Variants in PCSK2 observed in about 807,000 individuals in gnomAD.
PCSK2 encodes proprotein convertase subtilisin/kexin type 2.
A neutral mutation model predicts 69.7 loss-of-function variants in PCSK2; 14 were observed. The ratio of observed to expected loss-of-function variants is 0.20; its 90% confidence interval spans 0.13 to 0.31. The LOEUF is 0.31. Ranked by LOEUF, PCSK2 falls within the 10% of genes least tolerant of loss-of-function variation. PCSK2 has a pLI of 1.00. For missense variants in PCSK2, 544 were observed against 842.5 expected (o/e 0.65, Z 4.39); for synonymous variants, 307 against 320.7 (o/e 0.96, Z 0.46).
In PCSK2 at chr20:17,436,831, T is replaced by C; in HGVS notation, c.833T>C (p.Val278Ala). The change falls in exon 8 of 12, where the codon GTG becomes GCG. Residue 278 changes from valine (V) to alanine (A), a missense_variant. By Grantham distance (64) the Val-to-Ala change is moderately conservative. This residue lies in a region of PCSK2 where 187 missense variants were observed against 399.8 expected (regional missense o/e 0.47). Coordinates refer to ENST00000262545, the MANE Select transcript of PCSK2 (RefSeq NM_002594.5). ...GGCCCCACAGACAACGGCAAGACAG[T>C]GGATGGGCCCCGGGAGCTCACGCTG... ...SWGPTDNGKT[V>A]DGPRELTLQA... 1 of 1,613,890 alleles carries C rather than the reference T, an allele frequency of 6.2e-7. No homozygotes were observed. Among genetic ancestry groups the C allele is most frequent in the Admixed American group, 1.7e-5 (1 of 60,026 alleles).
In PCSK2 at chr20:17,227,281, C is replaced by T; in HGVS notation, c.-25C>T. On this transcript the variant is annotated 5_prime_UTR_variant, in exon 1 of 12. Transcript: ENST00000262545. ...CTCCGCCAGCCTGCGCGCCTCCTAG[C>T]ACCACTTTTCACTCCCAAAGAAGGA... 2 of 1,605,568 alleles carry T rather than the reference C, an allele frequency of 1.2e-6. No individual in the cohort carries two copies. Among genetic ancestry groups the T allele is most frequent in the Non-Finnish European group, 1.7e-6 (2 of 1,173,350 alleles).
At chr20:17,471,593 C>A (rs1224643137) in intron 11 of PCSK2, among the ~76,000 whole-genome samples, 2 of 152,224 alleles carry the variant, frequency 1.3e-5, no homozygotes, top group Non-Finnish European at 2.9e-5. Context: ...ATAGGACCGG[C>A]GGGCCAGCAA....
chr20:17,470,622 G>T (rs2033182851), intron 11 of PCSK2, among the ~76,000 whole-genome samples: 1 of 152,198 alleles, frequency 6.6e-6, no homozygotes, highest in Non-Finnish European at 1.5e-5. Context: ...ACTTCTCTCG[G>T]AAAGTCACTG....
intron 2 of PCSK2, among the ~76,000 whole-genome samples, chr20:17,268,445 T>C (rs1412479580): frequency 6.6e-6 from 1 of 152,012 alleles, no homozygotes. Flanking sequence ...TCTGGGAAAG[T>C]GGCATTTAAA....
intron 5 of PCSK2, among the ~76,000 whole-genome samples, chr20:17,382,043 A>G (rs989895038): frequency 6.6e-6 from 1 of 152,078 alleles, no homozygotes; most frequent in African/African-American, 2.4e-5. Flanking sequence ...CCTATACTAC[A>G]TGGCAGCTTT....
intron 8 of PCSK2, among the ~76,000 whole-genome samples, chr20:17,438,447 A>G (rs1452768372): frequency 6.6e-6 from 1 of 152,230 alleles, no homozygotes; most frequent in South Asian, 2.1e-4. Flanking sequence ...GTCAGAAAAC[A>G]TGTGTTTTCC....
At chr20:17,470,986 G>T (rs909698528) in intron 11 of PCSK2, among the ~76,000 whole-genome samples, 1 of 152,224 alleles carries the variant, frequency 6.6e-6, no homozygotes, top group African/African-American at 2.4e-5. Context: ...AGCTTGGAAT[G>T]TACTGCGGCC....
chr20:17,295,213 AACACACACACACAC>A (rs58508384), intron 2 of PCSK2, among the ~76,000 whole-genome samples: 4 of 146,184 alleles, frequency 2.7e-5, no homozygotes, highest in East Asian at 2.0e-4. Context: ...ATACGCAGTT[AACACACACACACAC>A]ACACACACAC....
At chr20:17,307,639 CCT>C (rs1362555617) in intron 2 of PCSK2, among the ~76,000 whole-genome samples, 1 of 152,136 alleles carries the variant, frequency 6.6e-6, no homozygotes, top group Non-Finnish European at 1.5e-5. Context: ...TGTATTGAAT[CCT>C]CTTCCATATA....
chr20:17,465,559 T>A lies in PCSK2; in HGVS notation c.1430+6T>A. The A allele has an allele frequency of 6.5e-7, 1 of 1,543,902 alleles. No homozygotes were observed. The highest frequency in any genetic ancestry group is 1.2e-5 in the South Asian group (1 of 83,040). On this transcript the variant is annotated splice_donor_region_variant and intron_variant, in intron 11 of 11. Coordinates refer to ENST00000262545, the MANE Select transcript of PCSK2 (RefSeq NM_002594.5). ...GGCTCCGTGCAGGACCCTGAGTAAG[T>A]GGGGGTAGTGGTCCCTCTGCTGCAT... is the stretch of plus-strand genomic sequence containing the variant.
intron 2 of PCSK2, among the ~76,000 whole-genome samples, chr20:17,268,403 C>G: frequency 6.6e-6 from 1 of 152,012 alleles, no homozygotes; most frequent in South Asian, 2.1e-4. Context: ...AGGGGTGTTT[C>G]TATTTTATAA....
intron 1 of PCSK2, among the ~76,000 whole-genome samples, chr20:17,255,135 C>A (rs1000039398): frequency 2.0e-5 from 3 of 152,148 alleles, no homozygotes; most frequent in African/African-American, 7.2e-5. Flanking sequence ...TTCTTTCTTT[C>A]CAATCTTGAT....
At chr20:17,289,972 T>C (rs1218834358) in intron 2 of PCSK2, among the ~76,000 whole-genome samples, 2 of 152,366 alleles carry the variant, frequency 1.3e-5, no homozygotes, top group East Asian at 3.9e-4. Context: ...AGAAGTAGAA[T>C]TGGTGCATTC....
At position 17,409,253 on chromosome 20, in the gene PCSK2, T is replaced by C. The variant is rs746680971; in HGVS notation, c.544-10T>C. 6.2e-7 allele frequency: 1 copy of C among 1,612,282 alleles called. No homozygotes were observed. Among genetic ancestry groups the C allele is most frequent in the East Asian group, 2.2e-5 (1 of 44,864 alleles). On this transcript the variant is annotated splice_polypyrimidine_tract_variant and intron_variant, in intron 5 of 11. Transcript: ENST00000262545. The stretch of plus-strand genomic sequence containing the variant: ...TGTACGGACCTAATGAGATGCCTTG[T>C]GTTTTTCAGAATGCCGAAGCAAGTT...
At chr20:17,368,733 G>A (rs1465073774) in intron 4 of PCSK2, among the ~76,000 whole-genome samples, 4 of 152,144 alleles carry the variant, frequency 2.6e-5, no homozygotes, top group African/African-American at 9.7e-5. Context: ...GCCACATTCT[G>A]AGGAGACAAG....
At chr20:17,386,290 C>A (rs1418902138) in intron 5 of PCSK2, among the ~76,000 whole-genome samples, 1 of 152,134 alleles carries the variant, frequency 6.6e-6, no homozygotes, top group Non-Finnish European at 1.5e-5. Flanking sequence ...AATGCACACT[C>A]ATGTTCATGG....
chr20:17,300,119 G>A (rs190574105), intron 2 of PCSK2, among the ~76,000 whole-genome samples: 27 of 152,318 alleles, frequency 1.8e-4, no homozygotes, highest in African/African-American at 5.8e-4. Context: ...GAGACCCAGG[G>A]GACAGTGTCA....
chr20:17,475,535 T>G (rs1390499386), intron 11 of PCSK2, among the ~76,000 whole-genome samples: 1 of 151,910 alleles, frequency 6.6e-6, no homozygotes, highest in South Asian at 2.1e-4. Context: ...TGGTGGGCTG[T>G]GGTCTTATTT....
In PCSK2 at chr20:17,360,426, G is replaced by T. The variant is rs867116498; in HGVS notation, c.397-106G>T. On this transcript the variant is annotated intron_variant, in intron 3 of 11. Transcript: ENST00000262545. ...TCATGGAAGATGTGGCCTTTGAGCTGGTCCTGAAATATTAGATGGCTATAG... is the reference window on the plus strand; with the variant it reads ...TCATGGAAGATGTGGCCTTTGAGCTTGTCCTGAAATATTAGATGGCTATAG... 9.4e-6 allele frequency: 6 copies of T among 637,492 alleles called. No individual in the cohort carries two copies. In the East Asian group the frequency reaches 1.7e-4, roughly 19 times the overall value. 39.5% of individuals were successfully genotyped at this position (637,492 alleles called of 1,614,324 possible). A position where few individuals can be genotyped will look rare whatever the true frequency, so the allele number is the denominator to read the frequency against.
Sources: gnomAD v4.1 joint callset for allele counts (sites outside exome capture counted in the v4.1 genomes callset) on GRCh38, gnomAD v4.1.1 for gene constraint, gnomAD v4.1.1 regional missense constraint, MANE v1.5 for transcripts, NCBI Gene and HGNC (gene_info 2026-07-23, HGNC 2026-07-21) for gene names.